Variants in RBFOX1 observed in about 807,000 individuals in gnomAD.
RBFOX1 encodes the protein RNA binding protein fox-1 homolog 1.
In RBFOX1, 8 loss-of-function variants were observed where a neutral mutation model predicts 57.7. The observed-to-expected ratio is 0.14, with a 90% CI of 0.08 to 0.25. The LOEUF (loss-of-function observed/expected upper bound fraction) is 0.25, where lower values mean the gene tolerates loss of function less well. Ranked by LOEUF, RBFOX1 falls within the 10% of genes least tolerant of loss-of-function variation. The pLI, the probability that RBFOX1 is intolerant of heterozygous loss-of-function variation, is 1.00. For missense variants in RBFOX1, 611 were observed against 548.5 expected, an observed-to-expected ratio of 1.11 and a Z score of -1.14; for synonymous variants, 326 against 222.4, an observed-to-expected ratio of 1.47 and a Z score of -4.15.
chr16:6,523,054 T>G (rs1026267295), intron 2 of RBFOX1, among the ~76,000 whole-genome samples: 1 of 152,228 alleles, frequency 6.6e-6, no homozygotes, highest in African/African-American at 2.4e-5. Flanking sequence ...CACTAGCATT[T>G]AATACGTTTA....
intron 4 of RBFOX1, among the ~76,000 whole-genome samples, chr16:7,248,644 A>C (rs1317224419): frequency 6.6e-6 from 1 of 152,168 alleles, no homozygotes; most frequent in Non-Finnish European, 1.5e-5. Context: ...TTTTTATAAA[A>C]CACTAATAGT....
At chr16:5,780,272 G>C (rs957862332) in intron 3 of RBFOX1, among the ~76,000 whole-genome samples, 4 of 152,182 alleles carry the variant, frequency 2.6e-5, no homozygotes, top group African/African-American at 9.7e-5. Context: ...AAAGTGTTCG[G>C]ATTACAGGCG....
At chr16:7,629,375 A>C (rs1245488527) in intron 10 of RBFOX1, among the ~76,000 whole-genome samples, 1 of 152,196 alleles carries the variant, frequency 6.6e-6, no homozygotes, top group Non-Finnish European at 1.5e-5. Context: ...CCCTAGGGCA[A>C]GTCTCCAAGG....
intron 3 of RBFOX1, among the ~76,000 whole-genome samples, chr16:6,783,854 T>A (rs1166984792): frequency 2.0e-5 from 3 of 152,152 alleles, no homozygotes; most frequent in African/African-American, 7.2e-5. Flanking sequence ...ACCTCAGGTT[T>A]TGTTTGTCTG....
At chr16:6,900,491 G>A (rs1482851098) in intron 3 of RBFOX1, among the ~76,000 whole-genome samples, 3 of 152,164 alleles carry the variant, frequency 2.0e-5, no homozygotes, top group Admixed American at 6.6e-5. Context: ...AAGCAAACAC[G>A]ATTGCATGGC....
At chr16:6,969,618 C>T (rs1290621334) in intron 3 of RBFOX1, among the ~76,000 whole-genome samples, 1 of 152,012 alleles carries the variant, frequency 6.6e-6, no homozygotes, top group Non-Finnish European at 1.5e-5. Flanking sequence ...ATGGTGCATG[C>T]CTGTAGTCTC....
At chr16:5,519,073 G>A (rs924637976) in intron 2 of RBFOX1, among the ~76,000 whole-genome samples, 4 of 152,162 alleles carry the variant, frequency 2.6e-5, no homozygotes, top group African/African-American at 9.7e-5. Context: ...GCCATCTTCA[G>A]GCCAAGGAGA....
intron 3 of RBFOX1, among the ~76,000 whole-genome samples, chr16:7,012,470 C>G (rs2093697915): frequency 6.6e-6 from 1 of 152,174 alleles, no homozygotes; most frequent in South Asian, 2.1e-4. Context: ...AAAGTCGCAT[C>G]TGTCTCATTT....
intron 5 of RBFOX1, among the ~76,000 whole-genome samples, chr16:7,548,189 G>T (rs555652120): frequency 4.5e-4 from 68 of 152,110 alleles, no homozygotes; most frequent in African/African-American, 1.6e-3. Flanking sequence ...TTTTACTTTT[G>T]AGACAGAGAG....
intron 4 of RBFOX1, among the ~76,000 whole-genome samples, chr16:7,298,876 G>C (rs1020426992): frequency 2.0e-5 from 3 of 152,152 alleles, no homozygotes; most frequent in African/African-American, 7.2e-5. Flanking sequence ...CAAGGGGTTG[G>C]TCTTGCTATC....
At chr16:7,194,751 A>C (rs2086264410) in intron 4 of RBFOX1, among the ~76,000 whole-genome samples, 1 of 148,040 alleles carries the variant, frequency 6.8e-6, no homozygotes, top group South Asian at 2.2e-4. Context: ...AATATAGTCA[A>C]ACCTCATCTC....
At chr16:7,493,066 A>T (rs2067448340) in intron 4 of RBFOX1, among the ~76,000 whole-genome samples, 1 of 152,108 alleles carries the variant, frequency 6.6e-6, no homozygotes, top group Non-Finnish European at 1.5e-5. Flanking sequence ...TTTAGTAGAG[A>T]TGGGGTTTCA....
At chr16:5,866,408 G>T (rs919163729) in intron 3 of RBFOX1, among the ~76,000 whole-genome samples, 1 of 152,130 alleles carries the variant, frequency 6.6e-6, no homozygotes, top group African/African-American at 2.4e-5. Context: ...ATGAATTTTG[G>T]GGACATAGCT....
intron 2 of RBFOX1, among the ~76,000 whole-genome samples, chr16:6,644,345 G>C (rs1174748821): frequency 6.6e-6 from 1 of 152,204 alleles, no homozygotes; most frequent in Non-Finnish European, 1.5e-5. Flanking sequence ...GCTTTTTGGA[G>C]TGTGATGTCA....
chr16:6,613,621 GTTTTA>G (rs201085666), intron 2 of RBFOX1, among the ~76,000 whole-genome samples: 1,702 of 152,292 alleles, frequency 0.011, 30 homozygotes, highest in African/African-American at 0.038. Flanking sequence ...AGATGCCCAT[GTTTTA>G]TTCAGTAGAA....
chr16:5,660,376 A>G (rs12598977), intron 3 of RBFOX1, among the ~76,000 whole-genome samples: 17,407 of 152,136 alleles, frequency 0.11, 1,367 homozygotes, highest in East Asian at 0.31. Flanking sequence ...TCCGGTGACT[A>G]TGAAGGGGTC....
At chr16:5,303,458 C>G (rs894485451) in intron 1 of RBFOX1, among the ~76,000 whole-genome samples, 1 of 152,186 alleles carries the variant, frequency 6.6e-6, no homozygotes, top group Non-Finnish European at 1.5e-5. Context: ...TTGCTGTCAC[C>G]TCTCTTTCCA....
chr16:6,006,764 G>T (rs1000565777), intron 4 of RBFOX1, among the ~76,000 whole-genome samples: 1 of 152,178 alleles, frequency 6.6e-6, no homozygotes, highest in East Asian at 1.9e-4. Flanking sequence ...TAAAGCTGTT[G>T]TTCAAGGCCA....
intron 4 of RBFOX1, among the ~76,000 whole-genome samples, chr16:7,251,669 C>T (rs959899660): frequency 6.6e-6 from 1 of 152,114 alleles, no homozygotes; most frequent in Non-Finnish European, 1.5e-5. Context: ...ATCTGCTCAC[C>T]TCAGCCTCGC....
Sources: allele counts gnomAD v4.1 joint callset (sites outside exome capture counted in the v4.1 genomes callset), GRCh38; gene constraint gnomAD v4.1.1; transcripts MANE v1.5; gene names NCBI Gene and HGNC (gene_info 2026-07-23, HGNC 2026-07-21).